The following AGBL3 variants were observed in gnomAD, a reference collection of about 807,000 sequenced individuals.
AGBL3 encodes cytosolic carboxypeptidase 3.
Under a neutral mutation model 94.5 loss-of-function variants are expected in AGBL3, and 68 were observed. The ratio of observed to expected loss-of-function variants is 0.72; its 90% CI spans 0.59 to 0.88. The LOEUF is 0.88. Ranked by LOEUF, AGBL3 falls within the 40% of genes least tolerant of loss-of-function variation. The pLI, the probability that AGBL3 is intolerant of heterozygous loss-of-function variation, is 0.00. For missense variants in AGBL3, 934 were observed against 1,103.8 expected (o/e 0.85, Z 2.18); for synonymous variants, 354 against 370.7 (o/e 0.95, Z 0.52).
chr7:135,076,091 C>A (rs966150145), intron 12 of AGBL3, among the ~76,000 whole-genome samples: 1 of 152,178 alleles, frequency 6.6e-6, no homozygotes, highest in Non-Finnish European at 1.5e-5. Context: ...AAATTGCATT[C>A]ACTGGCATTT....
intron 15 of AGBL3, among the ~76,000 whole-genome samples, chr7:135,114,297 T>G (rs1450957597): frequency 2.0e-5 from 3 of 152,194 alleles, no homozygotes; most frequent in Non-Finnish European, 4.4e-5. Context: ...TGTTGTACCA[T>G]TTTACATTCT....
At chr7:135,127,089 G>A (rs1232054595) in intron 16 of AGBL3, among the ~76,000 whole-genome samples, 4 of 152,136 alleles carry the variant, frequency 2.6e-5, no homozygotes, top group African/African-American at 9.7e-5. Flanking sequence ...GCAACCTACA[G>A]AATGGGAGAA....
chr7:135,129,138 T>G (rs924817922), intron 16 of AGBL3: 2 of 1,509,826 alleles, frequency 1.3e-6, no homozygotes, highest in Non-Finnish European at 1.8e-6. Flanking sequence ...ATTTGCCTAT[T>G]ATGACTGCCT....
intron 4 of AGBL3, among the ~76,000 whole-genome samples, chr7:135,006,029 T>C (rs1812342126): frequency 6.6e-6 from 1 of 151,810 alleles, no homozygotes; most frequent in African/African-American, 2.4e-5. Context: ...GATCTAGAGC[T>C]AAGCAAAGAG....
chr7:135,098,886 A>G (rs1368948330), intron 15 of AGBL3, among the ~76,000 whole-genome samples: 1 of 152,206 alleles, frequency 6.6e-6, no homozygotes, highest in East Asian at 1.9e-4. Flanking sequence ...TACAATAATA[A>G]TATGACATAT....
At chr7:135,058,328 T>C (rs1818514812) in intron 11 of AGBL3, among the ~76,000 whole-genome samples, 1 of 152,146 alleles carries the variant, frequency 6.6e-6, no homozygotes, top group South Asian at 2.1e-4. Flanking sequence ...CTTTCTTGTA[T>C]TGGCTCTCAA....
At chr7:135,080,125 C>G in intron 13 of AGBL3, 78 bp from the exon 14 acceptor site, 1 of 1,117,540 alleles carries the variant, frequency 8.9e-7, no homozygotes. Flanking sequence ...ATGCACAATA[C>G]CATAAATCAT....
intron 13 of AGBL3, 54 bp downstream of exon 13, chr7:135,076,522 T>C (rs1820467439): frequency 7.5e-7 from 1 of 1,332,740 alleles, no homozygotes; most frequent in South Asian, 1.3e-5. Flanking sequence ...TGAAAGAGAA[T>C]GGCAAGTTAT....
chr7:135,086,075 A>G (rs932073622), intron 15 of AGBL3, among the ~76,000 whole-genome samples: 7 of 151,846 alleles, frequency 4.6e-5, no homozygotes, highest in Admixed American at 6.6e-5. Context: ...TTATTCCTAC[A>G]TATTATTTTT....
intron 16 of AGBL3, among the ~76,000 whole-genome samples, chr7:135,119,786 A>G (rs1354978972): frequency 6.6e-6 from 1 of 152,198 alleles, no homozygotes. Context: ...CTGAGGCAGG[A>G]GAATGGCATG....
intron 4 of AGBL3, among the ~76,000 whole-genome samples, chr7:135,016,542 A>G (rs961255687): frequency 1.3e-5 from 2 of 152,164 alleles, no homozygotes; most frequent in Non-Finnish European, 2.9e-5. Context: ...GATGATGTTT[A>G]AGAAATTTGA....
At chr7:135,039,961 G>C (rs1219746005) in intron 8 of AGBL3, among the ~76,000 whole-genome samples, 1 of 151,872 alleles carries the variant, frequency 6.6e-6, no homozygotes, top group East Asian at 1.9e-4. Context: ...GAGAAAGTAG[G>C]AGGAAGAGAA....
chr7:135,004,389 A>C (rs1009224361), intron 4 of AGBL3, among the ~76,000 whole-genome samples: 14 of 151,714 alleles, frequency 9.2e-5, no homozygotes, highest in African/African-American at 3.4e-4. Context: ...ATTTTTAAAA[A>C]TTTTCTAGCT....
In AGBL3 at chr7:134,986,585, A is replaced by C. The variant is rs1372946957; in HGVS notation, c.-176A>C. The C allele has an allele frequency of 1.8e-5, 2 of 108,774 alleles. No homozygotes were observed. Among genetic ancestry groups the C allele is most frequent in the African/African-American group, 7.9e-5 (2 of 25,172 alleles). The allele number at this position is 108,774 out of a possible 1,614,324, so 6.7% of individuals were successfully genotyped here. On this transcript the variant is annotated 5_prime_UTR_variant, in exon 1 of 17. Transcript: ENST00000436302. ...GTGGCGTTACTTCTAGCGGCTGGAT[A>C]CCGGGTTCTCCGCGAGATCGCGAGA...
chr7:135,134,996 T>C lies in AGBL3; in HGVS notation c.2498T>C (p.Leu833Pro). The change falls in exon 17 of 17, where the codon CTC (leucine) becomes CCC (proline). Residue 833 changes from leucine (L) to proline (P), a missense_variant. Physicochemically the swap from Leu to Pro is moderately conservative, Grantham distance 98. Transcript: ENST00000436302. ...AGGTCATTGGAAAGTTTATCACCTC[T>C]CAAAGGCCCCAAGAAGAATAAACAT... is the stretch of plus-strand genomic sequence containing the variant. ...PHRSLESLSPLKGPKKNKHSQ... is the reference protein window; with the variant it reads ...PHRSLESLSPPKGPKKNKHSQ... 1 of 1,551,150 alleles carries C rather than the reference T, an allele frequency of 6.4e-7. No homozygotes were observed. Among genetic ancestry groups the C allele is most frequent in the South Asian group, 1.2e-5 (1 of 84,044 alleles).
intron 5 of AGBL3, among the ~76,000 whole-genome samples, chr7:135,032,124 G>A (rs909056684): frequency 6.6e-6 from 1 of 152,082 alleles, no homozygotes; most frequent in African/African-American, 2.4e-5. Context: ...CTCAACATGG[G>A]CTCACTTCAT....
chr7:134,989,682 A>G (rs1289603333), intron 3 of AGBL3, among the ~76,000 whole-genome samples: 2 of 152,180 alleles, frequency 1.3e-5, no homozygotes, highest in African/African-American at 4.8e-5. Flanking sequence ...TTCATTTGCA[A>G]CTGAACATGT....
At chr7:135,007,579 G>A (rs549862023) in intron 4 of AGBL3, among the ~76,000 whole-genome samples, 1 of 152,076 alleles carries the variant, frequency 6.6e-6, no homozygotes, top group East Asian at 1.9e-4. Flanking sequence ...GAAAAGACTA[G>A]ATGCTTTCCC....
At chr7:135,132,450 C>T (rs575565324) in intron 16 of AGBL3, among the ~76,000 whole-genome samples, 35 of 152,158 alleles carry the variant, frequency 2.3e-4, no homozygotes, top group Non-Finnish European at 4.7e-4. Context: ...AATTGGTATT[C>T]GACAGAATTC....
Sources: allele counts gnomAD v4.1 joint callset (sites outside exome capture counted in the v4.1 genomes callset), GRCh38; gene constraint gnomAD v4.1.1; transcripts MANE v1.5; gene names NCBI Gene and HGNC (gene_info 2026-07-23, HGNC 2026-07-21).